Variants in ZNF425 observed in about 807,000 individuals in gnomAD.
ZNF425 encodes zinc finger protein 425.
ZNF425 carries 21 observed loss-of-function variants against 17.0 expected under a neutral mutation model. The observed-to-expected ratio is 1.23, with a 90% CI of 0.88 to 1.78. The LOEUF (loss-of-function observed/expected upper bound fraction) is 1.78, where lower values mean the gene tolerates loss of function less well. Among genes scored for constraint, ZNF425 ranks in the 40% most tolerant of loss-of-function variants. The probability of loss-of-function intolerance (pLI) is 0.00; values close to 1 mark genes in which losing one functional copy is unlikely to be tolerated. For missense variants in ZNF425, 868 were observed against 967.3 expected (o/e 0.90, Z 1.36); for synonymous variants, 433 against 384.1 (o/e 1.13, Z -1.49).
intron 1 of ZNF425, among the ~76,000 whole-genome samples, chr7:149,119,797 C>G (rs931249453): frequency 2.0e-5 from 3 of 151,988 alleles, no homozygotes; most frequent in Admixed American, 6.6e-5. Context: ...TTTTAAAATG[C>G]AAGAATATAC....
At chr7:149,110,013 A>G (rs2129517978) in intron 3 of ZNF425, among the ~76,000 whole-genome samples, 1 of 151,572 alleles carries the variant, frequency 6.6e-6, no homozygotes, top group South Asian at 2.1e-4. Context: ...AGTAGCTGGG[A>G]TAACAGGAGC....
chr7:149,123,165 A>G (rs1271608265), intron 1 of ZNF425, among the ~76,000 whole-genome samples: 1 of 152,204 alleles, frequency 6.6e-6, no homozygotes, highest in Non-Finnish European at 1.5e-5. Flanking sequence ...GGACTGAACT[A>G]ACCAGGGCGG....
chr7:149,110,250 C>T (rs1355833311), intron 3 of ZNF425, among the ~76,000 whole-genome samples: 1 of 151,784 alleles, frequency 6.6e-6, no homozygotes, highest in Non-Finnish European at 1.5e-5. Context: ...CAGAGGATTC[C>T]TTGACTCCCA....
At chr7:149,126,163 A>C in intron 1 of ZNF425, 33 bp downstream of exon 1, 1 of 1,613,108 alleles carries the variant, frequency 6.2e-7, no homozygotes, top group Non-Finnish European at 8.5e-7. Context: ...CCGAGTTTCG[A>C]CAGAGCCTGC....
chr7:149,125,941 G>T, intron 1 of ZNF425: 1 of 681,416 alleles, frequency 1.5e-6, no homozygotes, highest in Non-Finnish European at 2.5e-6. Context: ...TCCCGCCTCA[G>T]CCTTCCGAGT....
rs199607448 is a variant in ZNF425 at position 149,112,197 on chromosome 7, T to C, written c.244A>G (p.Thr82Ala). ...QGCLDKTRRT[T>A]SPPTDEQLNM... ...AACTGTTCATCAGTAGGAGGGCTAG[T>C]TGTCCTTCTTGTTTTATCTAAGCAT... The change falls in exon 3 of 4, where the codon ACT becomes GCT. Residue 82 changes from threonine to alanine, a missense_variant. Physicochemically the swap from Thr to Ala is moderately conservative, Grantham distance 58. This residue lies in a region of ZNF425 where 179 missense variants were observed against 216.3 expected (regional missense o/e 0.83). Coordinates refer to ENST00000378061, the MANE Select transcript of ZNF425 (RefSeq NM_001001661.3). The C allele has an allele frequency of 9.9e-6, 16 of 1,614,104 alleles. No individual in the cohort carries two copies. In the East Asian group the frequency reaches 3.3e-4, roughly 34 times the overall value.
At chr7:149,107,089 A>C (rs2129517830) in intron 3 of ZNF425, among the ~76,000 whole-genome samples, 1 of 150,434 alleles carries the variant, frequency 6.6e-6, no homozygotes, top group African/African-American at 2.5e-5. Context: ...CCTGGGTGAC[A>C]AAGTGAGACT....
At chr7:149,126,067 G>C in intron 1 of ZNF425, 129 bp downstream of exon 1, 2 of 1,533,330 alleles carry the variant, frequency 1.3e-6, no homozygotes, top group Non-Finnish European at 1.8e-6. Context: ...CCGGAGCTCA[G>C]TCCGTGGGCC....
chr7:149,107,835 C>CGTTT (rs146319691), intron 3 of ZNF425, among the ~76,000 whole-genome samples: 17 of 138,052 alleles, frequency 1.2e-4, no homozygotes, highest in Non-Finnish European at 2.6e-4. Flanking sequence ...AACTCTCTCC[C>CGTTT]ATTTATTTAT....
Position 149,104,460 on chromosome 7 carries a change from G to A in ZNF425, c.1411C>T (p.Pro471Ser), listed in dbSNP as rs868101154. The stretch of plus-strand genomic sequence containing the variant: ...AAGCGCTTGCCGCACTCGGCGCAGG[G>A]GAAGGGCTTTTGCTCGCTGTGCAGG... ...QRLHSEQKPF[P>S]CAECGKRFTR... The change falls in exon 4 of 4, where the codon CCC (proline) becomes TCC (serine). Residue 471 changes from proline (P) to serine (S), a missense_variant. Pro to Ser is a moderately conservative substitution (Grantham distance 74, BLOSUM62 -1). Around this residue, in one of 5 missense-constraint regions of ZNF425, gnomAD observed 437 missense variants for 444.2 expected, o/e 0.98. Transcript: ENST00000378061. This position sits in a 1 kb window ranked among gnomAD's most constrained non-coding sequence, Gnocchi z 4.3. 2 of 1,600,476 alleles carry A rather than the reference G, an allele frequency of 1.2e-6. No individual in the cohort carries two copies. Among genetic ancestry groups the A allele is most frequent in the Non-Finnish European group, 1.7e-6 (2 of 1,174,394 alleles).
chr7:149,109,879 CT>C (rs59024495), intron 3 of ZNF425, among the ~76,000 whole-genome samples: 250 of 140,558 alleles, frequency 1.8e-3, no homozygotes, highest in Middle Eastern at 7.3e-3. Flanking sequence ...TTTTCTTTTT[CT>C]TTTTTTTTTT....
chr7:149,112,158 T>G lies in ZNF425; in HGVS notation c.283A>C (p.Thr95Pro). ...TCACCAAAACATAGCAACTTTCCAG[T>G]ATTCTTCATGTTCAACTGTTCATCA... is the stretch of plus-strand genomic sequence containing the variant. ...PTDEQLNMKNTGKLLCFDDEG... is the reference protein window; with the variant it reads ...PTDEQLNMKNPGKLLCFDDEG... Residue 95 changes from threonine to proline, a missense_variant, in exon 3 of 4, where the codon ACT (threonine) becomes CCT (proline). By Grantham distance (38) the Thr-to-Pro change is conservative. This residue lies in a region of ZNF425 where 179 missense variants were observed against 216.3 expected (regional missense o/e 0.83). Transcript: ENST00000378061. 1 of 1,613,912 alleles carries G rather than the reference T, an allele frequency of 6.2e-7. No individual in the cohort carries two copies. The highest frequency in any genetic ancestry group is 1.3e-5 in the African/African-American group (1 of 75,044).
chr7:149,109,908 GCT>G (rs1461989108), intron 3 of ZNF425, among the ~76,000 whole-genome samples: 1 of 143,680 alleles, frequency 7.0e-6, no homozygotes, highest in Non-Finnish European at 1.5e-5. Context: ...ACAGAGTCTC[GCT>G]CTGTCACCCA....
chr7:149,118,124 C>T, intron 2 of ZNF425, 98 bp downstream of exon 2: 1 of 1,348,512 alleles, frequency 7.4e-7, no homozygotes, highest in Non-Finnish European at 1.0e-6. Flanking sequence ...AAACTGGGCA[C>T]AGTATCATAT....
At position 149,104,803 on chromosome 7, in the gene ZNF425, C is replaced by T; in HGVS notation, c.1068G>A (p.Arg356=). The T allele has an allele frequency of 6.2e-7, 1 of 1,613,810 alleles. No homozygotes were observed. Among genetic ancestry groups the T allele is most frequent in the South Asian group, 1.1e-5 (1 of 91,068 alleles). The part of the protein sequence containing the change: ...KVHLTQHSGK[R]PFHCPECGRS... Reference sequence around the variant, plus strand: ...GGCCACACTCGGGACAGTGGAAGGGCCTCTTCCCGCTGTGCTGGGTCAGAT... The same window carrying T: ...GGCCACACTCGGGACAGTGGAAGGGTCTCTTCCCGCTGTGCTGGGTCAGAT... The change falls in exon 4 of 4, where the codon AGG becomes AGA. Residue 356 remains arginine (R), a synonymous_variant. Coordinates refer to ENST00000378061, the MANE Select transcript of ZNF425 (RefSeq NM_001001661.3). This position sits in a 1 kb window ranked among gnomAD's most constrained non-coding sequence, Gnocchi z 4.3.
Position 149,104,018 on chromosome 7 carries a change from GTCT to G in ZNF425, c.1850_1852del (p.Lys617del), listed in dbSNP as rs745354457. The G allele has an allele frequency of 6.2e-7, 1 of 1,613,704 alleles. No homozygotes were observed. Among genetic ancestry groups the G allele is most frequent in the African/African-American group, 1.3e-5 (1 of 74,976 alleles). On this transcript the variant is annotated inframe_deletion, in exon 4 of 4. Coordinates refer to ENST00000378061, the MANE Select transcript of ZNF425 (RefSeq NM_001001661.3). The surrounding 1 kb of genome is among the most constrained non-coding windows in gnomAD (Gnocchi z 4.3). ...TTTCAGGTTTCCCTTGAGGCGGAAA[GTCT>G]TCTCGCATTCAGGACACTGGTAGGG...
At position 149,126,298 on chromosome 7, in the gene ZNF425, C is replaced by T; in HGVS notation, c.-85G>A. ...CAACTCCCAGGTACAGCCCTGCTGGCCCCCAAAGGCAGAGCCGGCCGGGCG... is the reference window on the plus strand; with the variant it reads ...CAACTCCCAGGTACAGCCCTGCTGGTCCCCAAAGGCAGAGCCGGCCGGGCG... On this transcript the variant is annotated 5_prime_UTR_variant, in exon 1 of 4. Coordinates refer to ENST00000378061, the MANE Select transcript of ZNF425 (RefSeq NM_001001661.3). The T allele has an allele frequency of 6.6e-7, 1 of 1,526,218 alleles. No homozygotes were observed. The highest frequency in any genetic ancestry group is 2.1e-5 in the Admixed American group (1 of 46,702). 94.5% of individuals were successfully genotyped at this position (1,526,218 alleles called of 1,614,324 possible). A position where few individuals can be genotyped will look rare whatever the true frequency, so the allele number is the denominator to read the frequency against.
chr7:149,122,644 C>T (rs181506153), intron 1 of ZNF425, among the ~76,000 whole-genome samples: 5 of 152,282 alleles, frequency 3.3e-5, no homozygotes, highest in African/African-American at 1.2e-4. Context: ...TCCAGTGTCA[C>T]CTTCTACAGG....
Position 149,103,584 on chromosome 7 carries a change from C to T in ZNF425, c.*28G>A, listed in dbSNP as rs368455361. The T allele has an allele frequency of 2.2e-5, 34 of 1,549,500 alleles. No homozygotes were observed. The highest frequency in any genetic ancestry group is 2.8e-5 in the Non-Finnish European group (32 of 1,152,704). On this transcript the variant is annotated 3_prime_UTR_variant, in exon 4 of 4. Coordinates refer to ENST00000378061, the MANE Select transcript of ZNF425 (RefSeq NM_001001661.3). The stretch of plus-strand genomic sequence containing the variant: ...AGAGCTGCTGGCACCTCCTGAAAGC[C>T]GACTGCGTGACTGCTGCATGGCCTG...
Sources: gnomAD v4.1 joint callset for allele counts (sites outside exome capture counted in the v4.1 genomes callset) on GRCh38, gnomAD v4.1.1 for gene constraint, gnomAD v4.1.1 regional missense constraint, Gnocchi (gnomAD v3.1) non-coding constraint, MANE v1.5 for transcripts, NCBI Gene and HGNC (gene_info 2026-07-23, HGNC 2026-07-21) for gene names.